Variants in PABPN1 observed in about 807,000 individuals in gnomAD.
The protein encoded by PABPN1 is poly(A) binding protein nuclear 1.
A neutral mutation model predicts 33.4 loss-of-function variants in PABPN1; 5 were observed. The observed-to-expected ratio is 0.15, with a 90% CI of 0.08 to 0.32. The LOEUF (loss-of-function observed/expected upper bound fraction) is 0.32, where lower values mean the gene tolerates loss of function less well. PABPN1 is among the 10% of genes least tolerant of loss of function. The pLI is 1.00. For synonymous variants in PABPN1, 176 were observed against 170.6 expected, an observed-to-expected ratio of 1.03 and a Z score of -0.25; for missense variants, 312 against 425.8, an observed-to-expected ratio of 0.73 and a Z score of 2.35.
At chr14:23,323,615 T>C (rs909589493) in intron 4 of PABPN1, 132 bp downstream of exon 4, 18 of 925,332 alleles carry the variant, frequency 1.9e-5, no homozygotes, top group Admixed American at 8.0e-5. Flanking sequence ...ATGGCATTAA[T>C]GTTGATATAT....
chr14:23,324,506 A>C, intron 6 of PABPN1: 1 of 618,780 alleles, frequency 1.6e-6, no homozygotes, highest in Non-Finnish European at 2.8e-6. Flanking sequence ...TAAGGGCTGC[A>C]TCCCTCCCTT....
At chr14:23,324,485 G>A (rs979810194) in intron 6 of PABPN1, 196 bp downstream of exon 6, 19 of 693,476 alleles carry the variant, frequency 2.7e-5, no homozygotes, top group Non-Finnish European at 4.4e-5. Context: ...TTCTGCAGTA[G>A]AAATTGGTGA....
chr14:23,323,940 G>T, intron 4 of PABPN1, 25 bp from the exon 5 acceptor site: 3 of 1,613,290 alleles, frequency 1.9e-6, no homozygotes, highest in South Asian at 1.1e-5. Flanking sequence ...TAACCTCAGA[G>T]AGATACAATG....
chr14:23,321,927 G>GCCA, intron 1 of PABPN1, 107 bp downstream of exon 1: 4 of 458,104 alleles, frequency 8.7e-6, no homozygotes, highest in Non-Finnish European at 1.6e-5. Context: ...GTTGGGCGGG[G>GCCA]AATAACGTGG....
chr14:23,324,885 A>C (rs1316264939), intron 6 of PABPN1: 2 of 268,918 alleles, frequency 7.4e-6, no homozygotes, highest in Middle Eastern at 1.2e-3. Context: ...TTGGCTTTTC[A>C]TAAGCTCTAC....
At chr14:23,324,454 G>GA (rs1888586318) in intron 6 of PABPN1, 165 bp downstream of exon 6, 14 of 894,322 alleles carry the variant, frequency 1.6e-5, no homozygotes, top group Non-Finnish European at 2.3e-5. Context: ...GGCCAGGCCA[G>GA]AAGGCCAGCC....
chr14:23,325,293 T>G lies in PABPN1; in HGVS notation c.*7T>G, dbSNP rs1594991979. 1 of 1,589,624 alleles carries G rather than the reference T, an allele frequency of 6.3e-7. No homozygotes were observed. ...ATGGTATTCCCCTTACTAAAAAAAG[T>G]GTGTATTAGGAGGAGAGAGAGGAAA... On this transcript the variant is annotated 3_prime_UTR_variant, in exon 7 of 7. Transcript: ENST00000216727.
chr14:23,322,982 T>C lies in PABPN1; in HGVS notation c.467-17T>C. ...ACAAGTGTGTGGTTTTTGTAAAAAA[T>C]TATTTTTTCCTGATAGCTGGCCCGG... On this transcript the variant is annotated splice_polypyrimidine_tract_variant and intron_variant, in intron 2 of 6. Coordinates refer to ENST00000216727, the MANE Select transcript of PABPN1 (RefSeq NM_004643.4). The C allele has an allele frequency of 1.9e-6, 3 of 1,614,136 alleles. No homozygotes were observed. The highest frequency in any genetic ancestry group is 2.5e-6 in the Non-Finnish European group (3 of 1,180,006).
In PABPN1 at chr14:23,322,240, G is replaced by A; in HGVS notation, c.411G>A (p.Lys137=). ...TGGAGGAAGAAGCTGAGAAGCTAAA[G>A]GAGCTACAGAACGAGGTAGAGAAGC... ...REMEEEAEKL[K]ELQNEVEKQM... The change falls in exon 2 of 7, where the codon AAG becomes AAA. Residue 137 remains lysine (K), a synonymous_variant. Coordinates refer to ENST00000216727, the MANE Select transcript of PABPN1 (RefSeq NM_004643.4). The A allele has an allele frequency of 6.2e-7, 1 of 1,611,068 alleles. No homozygotes were observed. Among genetic ancestry groups the A allele is most frequent in the Non-Finnish European group, 8.5e-7 (1 of 1,178,676 alleles).
At chr14:23,323,564 T>G in intron 4 of PABPN1, 81 bp downstream of exon 4, 1 of 1,302,938 alleles carries the variant, frequency 7.7e-7, no homozygotes, top group Non-Finnish European at 1.1e-6. Flanking sequence ...GAGCAGTAAG[T>G]TATTTGGTGT....
intron 2 of PABPN1, 108 bp downstream of exon 2, chr14:23,322,403 T>A (rs1237025356): frequency 3.2e-6 from 3 of 931,986 alleles, no homozygotes; most frequent in Admixed American, 4.0e-5. Context: ...GCTGCTTGTC[T>A]GAGCTATTAT....
At chr14:23,324,873 C>G (rs534548050) in intron 6 of PABPN1, 87 of 258,684 alleles carry the variant, frequency 3.4e-4, no homozygotes, top group Non-Finnish European at 5.6e-4. Flanking sequence ...GGCATATAAA[C>G]CTTGGCTTTT....
In PABPN1 at chr14:23,321,776, G is replaced by C; in HGVS notation, c.307G>C (p.Gly103Arg). ...CAGCCAAGAGGAGGAGGAGGAGCCG[G>C]GACTGGTCGAGGGTGACCCGGGGGA... ...PGSQEEEEEP[G>R]LVEGDPGDGA... The change falls in exon 1 of 7, where the codon GGA (glycine) becomes CGA (arginine). Residue 103 changes from glycine (G) to arginine (R), a missense_variant. Gly to Arg is a moderately radical substitution (Grantham distance 125, BLOSUM62 -2). Around this residue, in one of 3 missense-constraint regions of PABPN1, gnomAD observed 167 missense variants for 168.9 expected, o/e 0.99. Transcript: ENST00000216727. 1 of 1,531,700 alleles carries C rather than the reference G, an allele frequency of 6.5e-7. No individual in the cohort carries two copies. Among genetic ancestry groups the C allele is most frequent in the Non-Finnish European group, 8.8e-7 (1 of 1,139,284 alleles). The allele number at this position is 1,531,700 out of a possible 1,614,324, so 94.9% of individuals were successfully genotyped here.
intron 6 of PABPN1, chr14:23,325,008 C>T: frequency 2.1e-6 from 1 of 481,356 alleles, no homozygotes; most frequent in Non-Finnish European, 3.6e-6. Context: ...CCCTGTCTCT[C>T]ACTCAGATGC....
In PABPN1 at chr14:23,325,517, C is replaced by T. The variant is rs1888686128; in HGVS notation, c.*231C>T. 1 of 572,496 alleles carries T rather than the reference C, an allele frequency of 1.7e-6. No homozygotes were observed. Among genetic ancestry groups the T allele is most frequent in the Admixed American group, 3.2e-5 (1 of 31,650 alleles). The allele number at this position is 572,496 out of a possible 1,614,324, so 35.5% of individuals were successfully genotyped here. A position where few individuals can be genotyped will look rare whatever the true frequency, so the allele number is the denominator to read the frequency against. The stretch of plus-strand genomic sequence containing the variant: ...GGAGTGGGGCAGGGGGCTGCTTATT[C>T]ACTCTGGGGATTCGCCATGGACACG... On this transcript the variant is annotated 3_prime_UTR_variant, in exon 7 of 7. Transcript: ENST00000216727.
chr14:23,321,489 C>T lies in PABPN1; in HGVS notation c.20C>T (p.Ala7Val). MAAAAAAAAAAGAAGGR... is the reference protein window; with the variant it reads MAAAAAVAAAAGAAGGR... ...GCGGCGATGGCGGCGGCGGCGGCGG[C>T]GGCAGCAGCAGCGGGGGCTGCGGGC... The change falls in exon 1 of 7, where the codon GCG (alanine) becomes GTG (valine). Residue 7 changes from alanine to valine, a missense_variant. Around this residue, in one of 3 missense-constraint regions of PABPN1, gnomAD observed 167 missense variants for 168.9 expected, o/e 0.99. Coordinates refer to ENST00000216727, the MANE Select transcript of PABPN1 (RefSeq NM_004643.4). 2 of 1,197,536 alleles carry T rather than the reference C, an allele frequency of 1.7e-6. No homozygotes were observed. Among genetic ancestry groups the T allele is most frequent in the Non-Finnish European group, 1.0e-6 (1 of 965,946 alleles). The allele number at this position is 1,197,536 out of a possible 1,614,324, so 74.2% of individuals were successfully genotyped here.
At position 23,321,710 on chromosome 14, in the gene PABPN1, C is replaced by A; in HGVS notation, c.241C>A (p.Pro81Thr). 1 of 1,540,942 alleles carries A rather than the reference C, an allele frequency of 6.5e-7. No homozygotes were observed. The highest frequency in any genetic ancestry group is 8.8e-7 in the Non-Finnish European group (1 of 1,142,572). ...GGAGCCGCCCCGGCCCCGCGCCCCC[C>A]CGGGAGCTCCGGGCCCTGGGCCTGG... is the stretch of plus-strand genomic sequence containing the variant. ...EEEPPRPRAP[P>T]GAPGPGPGSG... Residue 81 changes from proline to threonine, a missense_variant, in exon 1 of 7, where the codon CCG becomes ACG. Pro to Thr is a conservative substitution (Grantham distance 38). Transcript: ENST00000216727.
intron 3 of PABPN1, 42 bp downstream of exon 3, chr14:23,323,108 CT>C: frequency 6.2e-7 from 1 of 1,611,868 alleles, no homozygotes; most frequent in African/African-American, 1.3e-5. Context: ...GCAAGTTCTT[CT>C]TTTGGGGAAT....
At position 23,325,230 on chromosome 14, in the gene PABPN1, C is replaced by T; in HGVS notation, c.882-17C>T. On this transcript the variant is annotated splice_polypyrimidine_tract_variant and intron_variant, in intron 6 of 6. Coordinates refer to ENST00000216727, the MANE Select transcript of PABPN1 (RefSeq NM_004643.4). ...CTAGTGATCACGTTAACACCTAACT[C>T]TCCTTCTTTCTTCCAGGGGCCGGGC... The T allele has an allele frequency of 6.2e-7, 1 of 1,613,236 alleles. No homozygotes were observed. The highest frequency in any genetic ancestry group is 8.5e-7 in the Non-Finnish European group (1 of 1,179,910).
Sources: gnomAD v4.1 joint callset for allele counts on GRCh38, gnomAD v4.1.1 for gene constraint, gnomAD v4.1.1 regional missense constraint, MANE v1.5 for transcripts, NCBI Gene and HGNC (gene_info 2026-07-23, HGNC 2026-07-21) for gene names.